The following CCNY variants were observed in gnomAD, a reference collection of about 807,000 sequenced individuals.
CCNY encodes the protein cyclin Y.
In CCNY, 19 loss-of-function variants were observed where a neutral mutation model predicts 42.8. The observed-to-expected ratio is 0.44, with a 90% CI of 0.31 to 0.65. The LOEUF (loss-of-function observed/expected upper bound fraction) is 0.65, where lower values mean the gene tolerates loss of function less well. Ranked by LOEUF, CCNY falls within the 30% of genes least tolerant of loss-of-function variation. The pLI, the probability that CCNY is intolerant of heterozygous loss-of-function variation, is 0.07. For missense variants in CCNY, 370 were observed against 437.3 expected (o/e 0.85, Z 1.37); for synonymous variants, 165 against 162.7 (o/e 1.01, Z -0.11).
chr10:35,316,313 T>C (rs2135091116), intron 3 of CCNY: 1 of 152,354 alleles, frequency 6.6e-6, no homozygotes, highest in Admixed American at 6.5e-5. Flanking sequence ...TTCCCCCATG[T>C]TCTCACCTTC....
chr10:35,328,919 C>T (rs953929581), intron 3 of CCNY, among the ~76,000 whole-genome samples: 2 of 152,134 alleles, frequency 1.3e-5, no homozygotes, highest in African/African-American at 4.8e-5. Flanking sequence ...TTCTGTTTTC[C>T]ACTTCAGAGC....
At chr10:35,272,178 G>T (rs1332270901) in intron 3 of CCNY, among the ~76,000 whole-genome samples, 1 of 152,066 alleles carries the variant, frequency 6.6e-6, no homozygotes, top group Non-Finnish European at 1.5e-5. Context: ...GTAGAGAGGG[G>T]GTTTCTCCAT....
At chr10:35,321,766 G>A (rs1318107161) in intron 3 of CCNY, among the ~76,000 whole-genome samples, 1 of 152,118 alleles carries the variant, frequency 6.6e-6, no homozygotes, top group Non-Finnish European at 1.5e-5. Context: ...AAAAATTTTT[G>A]AAAAAGAACA....
chr10:35,346,667 G>C (rs1836310045), intron 1 of CCNY, among the ~76,000 whole-genome samples: 1 of 152,178 alleles, frequency 6.6e-6, no homozygotes, highest in Admixed American at 6.5e-5. Context: ...GTTTTGTTCT[G>C]TTGCCCAGGC....
intron 1 of CCNY, among the ~76,000 whole-genome samples, chr10:35,465,223 C>G (rs866611390): frequency 6.6e-6 from 1 of 152,090 alleles, no homozygotes; most frequent in South Asian, 2.1e-4. Context: ...CATGGTAGGG[C>G]GAGTACTGTT....
In CCNY at chr10:35,431,282, T is replaced by G. The variant is rs192062417; in HGVS notation, c.155-52122T>G. On this transcript the variant is annotated intron_variant, in intron 1 of 9. Transcript: ENST00000374704. ...TGCTTGATCTTGGAAGTGAAATTGC[T>G]CACACTTGGAAGCATCCTTCACTCC... is the stretch of plus-strand genomic sequence containing the variant. Among the ~76,000 whole-genome samples, 420 of 150,512 alleles carry G rather than the reference T, an allele frequency of 2.8e-3. 1 individual carries two copies. Among genetic ancestry groups the G allele is most frequent in the African/African-American group, 9.7e-3 (397 of 40,904 alleles).
In CCNY at chr10:35,530,191, G is replaced by T. The variant is rs1840736571; in HGVS notation, c.527G>T (p.Arg176Leu). The T allele has an allele frequency of 6.2e-7, 1 of 1,614,052 alleles. No individual in the cohort carries two copies. Among genetic ancestry groups the T allele is most frequent in the Non-Finnish European group, 8.5e-7 (1 of 1,180,036 alleles). The change falls in exon 7 of 10, where the codon CGG (arginine) becomes CTG (leucine). Residue 176 changes from arginine to leucine, a missense_variant. By Grantham distance (102) the Arg-to-Leu change is moderately radical. Around this residue, in one of 2 missense-constraint regions of CCNY, gnomAD observed 234 missense variants for 313.1 expected, o/e 0.75. Coordinates refer to ENST00000374704, the MANE Select transcript of CCNY (RefSeq NM_145012.6). This position sits in a 1 kb window ranked among gnomAD's most constrained non-coding sequence, Gnocchi z 4.3. ...CAGAAGCAGATTTACCGGTTCGTTC[G>T]GACACTGTTCAGTGCTGCTCAGCTG... is the stretch of plus-strand genomic sequence containing the variant. The part of the protein sequence containing the change: ...PEQKQIYRFV[R>L]TLFSAAQLTA...
intron 2 of CCNY, among the ~76,000 whole-genome samples, chr10:35,498,256 C>T (rs1053216315): frequency 2.0e-5 from 3 of 152,176 alleles, no homozygotes; most frequent in African/African-American, 7.2e-5. Context: ...TACCAAAGTT[C>T]CAGACTCCCA....
chr10:35,481,267 T>G (rs2135363916), intron 1 of CCNY, among the ~76,000 whole-genome samples: 1 of 152,316 alleles, frequency 6.6e-6, no homozygotes, highest in South Asian at 2.1e-4. Context: ...AGGCTGTCCC[T>G]TAGAATCTGT....
At position 35,495,219 on chromosome 10, in the gene CCNY, A is replaced by G. The variant is rs1356409061; in HGVS notation, c.230-6282A>G. ...GCTTTTAATTTTTATTTGCAGTTGC[A>G]TTTTCTTCTTTATATGGCTCTGTAT... On this transcript the variant is annotated intron_variant, in intron 2 of 9. Transcript: ENST00000374704. Among the ~76,000 whole-genome samples, 6 of 152,244 alleles carry G rather than the reference A, an allele frequency of 3.9e-5. No individual in the cohort carries two copies. In the East Asian group the frequency reaches 1.2e-3, roughly 29 times the overall value.
At chr10:35,427,760 G>A (rs189757581) in intron 1 of CCNY, among the ~76,000 whole-genome samples, 3 of 152,354 alleles carry the variant, frequency 2.0e-5, no homozygotes, top group East Asian at 1.9e-4. Context: ...GTCTGTGGGA[G>A]CCTATCAGAG....
chr10:35,298,318 A>G (rs762249280), intron 3 of CCNY, among the ~76,000 whole-genome samples: 2 of 152,116 alleles, frequency 1.3e-5, no homozygotes. Flanking sequence ...AACAATCCCA[A>G]CCCAACTCTT....
At chr10:35,390,181 G>A (rs1292863656) in intron 1 of CCNY, among the ~76,000 whole-genome samples, 1 of 152,212 alleles carries the variant, frequency 6.6e-6, no homozygotes, top group Non-Finnish European at 1.5e-5. Context: ...ACTTGTGGCT[G>A]AATATAGATA....
intron 3 of CCNY, among the ~76,000 whole-genome samples, chr10:35,273,760 C>T (rs982464711): frequency 2.6e-5 from 4 of 152,204 alleles, no homozygotes; most frequent in African/African-American, 9.6e-5. Flanking sequence ...GCTGCATAGC[C>T]TTGTTCCCAA....
chr10:35,451,614 G>C (rs1838918025), intron 1 of CCNY, among the ~76,000 whole-genome samples: 1 of 152,196 alleles, frequency 6.6e-6, no homozygotes, highest in Admixed American at 6.5e-5. Context: ...ACTAGACAGA[G>C]CTGGTTAGGC....
At chr10:35,344,992 T>C (rs1220312235) in intron 1 of CCNY, among the ~76,000 whole-genome samples, 1 of 152,238 alleles carries the variant, frequency 6.6e-6, no homozygotes, top group Non-Finnish European at 1.5e-5. Flanking sequence ...ACATTTGGGT[T>C]GGTTCCAAGT....
rs117539738 is a variant in CCNY, at chr10:35,484,549, C to T, written c.229+1071C>T. On this transcript the variant is annotated intron_variant, in intron 2 of 9. Coordinates refer to ENST00000374704, the MANE Select transcript of CCNY (RefSeq NM_145012.6). ...CAGTTTTTGCCATTAAAAGTAATGG[C>T]AAAACTGAAGTAAGTTTTTGGTGTG... Among the ~76,000 whole-genome samples, 134 of 151,236 alleles carry T rather than the reference C, an allele frequency of 8.9e-4. 3 individuals carry two copies. The East Asian group carries it at 0.026, about 29-fold the overall frequency.
intron 1 of CCNY, among the ~76,000 whole-genome samples, chr10:35,468,730 G>C (rs1839322452): frequency 6.6e-6 from 1 of 152,232 alleles, no homozygotes; most frequent in South Asian, 2.1e-4. Context: ...GCCTGCTTTA[G>C]AGTGGTTTAT....
chr10:35,338,348 A>G (rs528345498), intron 1 of CCNY, among the ~76,000 whole-genome samples: 92 of 152,350 alleles, frequency 6.0e-4, no homozygotes, highest in African/African-American at 2.1e-3. Context: ...GAGCATCTTT[A>G]TTAAATGAGT....
Sources: allele counts gnomAD v4.1 joint callset (sites outside exome capture counted in the v4.1 genomes callset), GRCh38; gene constraint gnomAD v4.1.1; regional missense constraint gnomAD v4.1.1; non-coding constraint Gnocchi (gnomAD v3.1); transcripts MANE v1.5; gene names NCBI Gene and HGNC (gene_info 2026-07-23, HGNC 2026-07-21).